AP3B2: variants seen among roughly 807,000 people sequenced by gnomAD.
AP3B2 encodes the protein AP-3 complex subunit beta-2.
In AP3B2, 50 loss-of-function variants were observed where a neutral mutation model predicts 126.9. The observed-to-expected ratio is 0.39, with a 90% CI of 0.31 to 0.50. The LOEUF (loss-of-function observed/expected upper bound fraction) is 0.50. Ranked by LOEUF, AP3B2 falls within the 20% of genes least tolerant of loss-of-function variation. The probability of loss-of-function intolerance (pLI) is 0.79; values close to 1 mark genes in which losing one functional copy is unlikely to be tolerated. For synonymous variants in AP3B2, 541 were observed against 565.0 expected (o/e 0.96, Z 0.60); for missense variants, 1,177 against 1,426.4 (o/e 0.83, Z 2.82).
intron 1 of AP3B2, chr15:82,692,537 T>A (rs2048557514): frequency 1.0e-5 from 2 of 190,896 alleles, no homozygotes; most frequent in African/African-American, 4.8e-5. Context: ...GGGTTTGGGG[T>A]GGGAAAGTAT....
chr15:82,660,094 A>AG, intron 25 of AP3B2, 111 bp from the exon 26 acceptor site: 1 of 1,322,048 alleles, frequency 7.6e-7, no homozygotes, highest in Non-Finnish European at 1.0e-6. Flanking sequence ...TATCATGCAA[A>AG]GGGCAGGTCA....
At chr15:82,663,472 A>G in intron 21 of AP3B2, 88 bp downstream of exon 21, 1 of 1,455,768 alleles carries the variant, frequency 6.9e-7, no homozygotes, top group Non-Finnish European at 9.6e-7. Context: ...ACAAGACCTG[A>G]GGAACCCGAT....
chr15:82,663,573 A>G lies in AP3B2; in HGVS notation c.2484T>C (p.Leu828=), dbSNP rs113912121. The G allele has an allele frequency of 6.7e-5, 108 of 1,613,808 alleles. No individual in the cohort carries two copies. The African/African-American group carries it at 1.0e-3, about 16-fold the overall frequency. Residue 828 remains leucine, a synonymous_variant, in exon 21 of 27, where the codon CTT becomes CTC. Transcript: ENST00000535359. ...SAPATKEISL[L]DLEDFTPPSV... Reference sequence around the variant, plus strand: ...ACCCAAACTCACAATCCTCTAGATCAAGCAGGGAGATCTCCTTGGTTGCAG... The same window carrying G: ...ACCCAAACTCACAATCCTCTAGATCGAGCAGGGAGATCTCCTTGGTTGCAG...
At chr15:82,701,921 C>T (rs557319194) in intron 1 of AP3B2, among the ~76,000 whole-genome samples, 3 of 152,002 alleles carry the variant, frequency 2.0e-5, no homozygotes, top group Non-Finnish European at 4.4e-5. Flanking sequence ...GATTTTTTTC[C>T]TTGTTTGATT....
rs1196567053 is a variant in AP3B2 at position 82,665,189 on chromosome 15, G to C, written c.2028+58C>G. On this transcript the variant is annotated intron_variant, in intron 17 of 26. Transcript: ENST00000535359. The surrounding 1 kb of genome is among the most constrained non-coding windows in gnomAD (Gnocchi z 4.4). ...AGGCCCAGGAGCACAACACACAGGG[G>C]AAGAAGAGGGACACAGACAGGGCAG... 6.0e-6 allele frequency: 9 copies of C among 1,507,566 alleles called. No individual in the cohort carries two copies. The highest frequency in any genetic ancestry group is 2.0e-5 in the Admixed American group (1 of 50,908). 93.4% of individuals were successfully genotyped at this position (1,507,566 alleles called of 1,614,324 possible). A position where few individuals can be genotyped will look rare whatever the true frequency, so the allele number is the denominator to read the frequency against.
intron 4 of AP3B2, chr15:82,685,250 T>A (rs1449531598): frequency 2.6e-5 from 4 of 152,224 alleles, no homozygotes; most frequent in Non-Finnish European, 5.9e-5. Context: ...AGGCACAATG[T>A]GAGCACATAC....
rs1250732914 is a variant in AP3B2, at chr15:82,670,119, G to GGC, written c.1666-3187_1666-3186insGC. Among the ~76,000 whole-genome samples the GGC allele has an allele frequency of 2.2e-5, 3 of 135,552 alleles. 1 individual carries two copies. The highest frequency in any genetic ancestry group is 4.8e-5 in the Non-Finnish European group (3 of 62,884). The allele number at this position is 135,552 out of a possible 152,430, so 88.9% of individuals were successfully genotyped here. ...CAGTGGCTTTTTTTTTTTTGGCGGG[G>GGC]GGGGACGAAGATGAAGTCTCGCTCT... On this transcript the variant is annotated intron_variant, in intron 14 of 26. Coordinates refer to ENST00000535359, the MANE Select transcript of AP3B2 (RefSeq NM_001278512.2).
intron 1 of AP3B2, among the ~76,000 whole-genome samples, chr15:82,697,615 T>C (rs986926455): frequency 4.6e-5 from 7 of 152,206 alleles, no homozygotes; most frequent in African/African-American, 1.7e-4. Context: ...AAGAAGTCAC[T>C]ATCCCAAGAA....
intron 14 of AP3B2, 131 bp downstream of exon 14, chr15:82,676,330 G>A: frequency 1.1e-6 from 1 of 951,334 alleles, no homozygotes; most frequent in Non-Finnish European, 1.5e-6. Flanking sequence ...GGGCAGACCA[G>A]CCACCTTCCC....
In AP3B2 at chr15:82,666,931, G is replaced by A. The variant is rs1407185065; in HGVS notation, c.1668C>T (p.Thr556=). Residue 556 remains threonine (T), a splice_region_variant and synonymous_variant, in exon 15 of 27, where the codon ACC becomes ACT. Coordinates refer to ENST00000535359, the MANE Select transcript of AP3B2 (RefSeq NM_001278512.2). ...TCAGCACATACTGGGTCAGCAGCTTGGTCTGGAGGAACAGGAAGAGGTGGG... is the reference window on the plus strand; with the variant it reads ...TCAGCACATACTGGGTCAGCAGCTTAGTCTGGAGGAACAGGAAGAGGTGGG... ...AKLYLTNSKQ[T]KLLTQYVLSL... 6.2e-7 allele frequency: 1 copy of A among 1,607,306 alleles called. No homozygotes were observed. The highest frequency in any genetic ancestry group is 8.5e-7 in the Non-Finnish European group (1 of 1,174,640).
chr15:82,659,698 C>T lies in AP3B2; in HGVS notation c.3168G>A (p.Arg1056=). The change falls in exon 27 of 27, where the codon AGG becomes AGA. Residue 1056 remains arginine, a synonymous_variant. Transcript: ENST00000535359. ...GAACGAGGCTTCCACCAGTCAGTGT[C>T]CTCCCTGCAAACCTGAGGTGGGAAT... ...GTSDEYRFAG[R]TLTGGSLVLL... is the part of the protein sequence containing the mutation. 1 of 1,613,834 alleles carries T rather than the reference C, an allele frequency of 6.2e-7. No homozygotes were observed. The highest frequency in any genetic ancestry group is 8.5e-7 in the Non-Finnish European group (1 of 1,179,820).
chr15:82,683,353 G>A (rs534312316), intron 4 of AP3B2, among the ~76,000 whole-genome samples: 8 of 152,164 alleles, frequency 5.3e-5, no homozygotes, highest in Middle Eastern at 3.4e-3. Context: ...CACTGCACCC[G>A]GCAGATTCCA....
In AP3B2 at chr15:82,662,800, G is replaced by A. The variant is rs774114116; in HGVS notation, c.2727C>T (p.Ser909=). ...QPFSGDPHMV[S]VHIHFSNSSD... ...AGCTGTTGGAGAAGTGGATGTGCAC[G>A]GACACCATGTGGGGATCCCCGGAGA... is the stretch of plus-strand genomic sequence containing the variant. Residue 909 remains serine, a synonymous_variant, in exon 23 of 27, where the codon TCC becomes TCT. Transcript: ENST00000535359. 80 of 1,613,632 alleles carry A rather than the reference G, an allele frequency of 5.0e-5. No homozygotes were observed. Among genetic ancestry groups the A allele is most frequent in the Middle Eastern group, 3.3e-4 (2 of 6,084 alleles).
At chr15:82,683,144 C>G (rs527478784) in intron 4 of AP3B2, among the ~76,000 whole-genome samples, 3 of 146,798 alleles carry the variant, frequency 2.0e-5, no homozygotes, top group Non-Finnish European at 4.5e-5. Context: ...CTGCAAGCTC[C>G]ACCTCCCAGG....
At chr15:82,673,616 GACAATAGACAAAAGTACA>G (rs1232650496) in intron 14 of AP3B2, among the ~76,000 whole-genome samples, 1 of 152,174 alleles carries the variant, frequency 6.6e-6, no homozygotes, top group East Asian at 1.9e-4. Flanking sequence ...TAAAATATTG[GACAATAGACAAAAGTACA>G]ACTTCTGAAT....
At chr15:82,667,153 A>C (rs1443073052) in intron 14 of AP3B2, among the ~76,000 whole-genome samples, 2 of 152,022 alleles carry the variant, frequency 1.3e-5, no homozygotes, top group Non-Finnish European at 2.9e-5. Flanking sequence ...AACTTTGACA[A>C]CTGCCTTGGG....
chr15:82,660,105 G>A, intron 25 of AP3B2, 122 bp from the exon 26 acceptor site: 2 of 1,256,592 alleles, frequency 1.6e-6, no homozygotes, highest in African/African-American at 1.5e-5. Context: ...GGGCAGGTCA[G>A]AATTTAAATC....
At chr15:82,660,228 C>T (rs542869894) in intron 25 of AP3B2, among the ~76,000 whole-genome samples, 1 of 152,306 alleles carries the variant, frequency 6.6e-6, no homozygotes, top group African/African-American at 2.4e-5. Flanking sequence ...TTACCAAAGA[C>T]TGATTTGGCG....
chr15:82,676,778 G>T, intron 13 of AP3B2, 141 bp from the exon 14 acceptor site: 2 of 787,992 alleles, frequency 2.5e-6, no homozygotes, highest in South Asian at 1.9e-5. Flanking sequence ...GTTGGGGGTG[G>T]TGAGATAGAG....
Sources: gnomAD v4.1 joint callset for allele counts (sites outside exome capture counted in the v4.1 genomes callset) on GRCh38, gnomAD v4.1.1 for gene constraint, Gnocchi (gnomAD v3.1) non-coding constraint, MANE v1.5 for transcripts, NCBI Gene and HGNC (gene_info 2026-07-23, HGNC 2026-07-21) for gene names.